VSIG1: variants seen among roughly 807,000 people sequenced by gnomAD.
The protein encoded by VSIG1 is V-set and immunoglobulin domain containing 1.
A neutral mutation model predicts 20.1 loss-of-function variants in VSIG1; 11 were observed. The observed-to-expected ratio is 0.55, with a 90% CI of 0.34 to 0.91. The LOEUF (loss-of-function observed/expected upper bound fraction) is 0.91. Among genes scored for constraint, VSIG1 ranks in the 40% least tolerant of loss-of-function variants. The pLI is 0.02. For missense variants in VSIG1, 283 were observed against 298.8 expected, an observed-to-expected ratio of 0.95 and a Z score of 0.39; for synonymous variants, 126 against 116.7, an observed-to-expected ratio of 1.08 and a Z score of -0.52.
At chrX:108,027,037 G>T in the VSIG1 span, among the ~76,000 whole-genome samples, 1 of 111,730 alleles carries the variant, frequency 9.0e-6, no homozygotes, top group Non-Finnish European at 1.9e-5. Flanking sequence ...TAACAACTGT[G>T]AGAGTATGAA....
intron 2 of VSIG1, 140 bp from the exon 3 acceptor site, chrX:108,066,796 C>A: frequency 1.8e-6 from 1 of 562,397 alleles, no homozygotes; most frequent in Non-Finnish European, 2.8e-6. Flanking sequence ...GTTGAGAAAC[C>A]TTGGCCACAG....
Position 108,073,326 on chromosome X carries a change from C to T in VSIG1, c.645C>T (p.Asn215=), listed in dbSNP as rs762821179. 4.3e-5 allele frequency: 52 copies of T among 1,210,749 alleles called. No individual in the cohort carries two copies. The highest frequency in any genetic ancestry group is 5.7e-5 in the Non-Finnish European group (51 of 894,703). The change falls in exon 5 of 7, where the codon AAC becomes AAT. Residue 215 remains asparagine (N), a synonymous_variant. Transcript: ENST00000217957. ...EQGYYQCTAI[N]RLGNSSCEID... ...GTTATTACCAGTGTACTGCCATCAA[C>T]AGACTTGGCAATAGTTCCTGCGAAA...
rs199805320 is a variant in VSIG1 at position 108,067,122 on chromosome X, G to A, written c.400G>A (p.Val134Ile). ...CGGCCAAAACCAAGGCATCCTCAAC[G>A]TCAGTGTGTTAGGTATGAGCACTTT... ...FLGQNQGILN[V>I]SVLVKPSKPL... is the part of the protein sequence containing the mutation. The change falls in exon 3 of 7, where the codon GTC becomes ATC. Residue 134 changes from valine to isoleucine, a missense_variant. Transcript: ENST00000217957. The A allele has an allele frequency of 3.1e-5, 38 of 1,209,467 alleles. No individual in the cohort carries two copies. The highest frequency in any genetic ancestry group is 2.3e-4 in the Middle Eastern group (1 of 4,349).
intron 2 of VSIG1, among the ~76,000 whole-genome samples, chrX:108,061,071 C>T (rs1271811446): frequency 1.8e-5 from 2 of 112,501 alleles, no homozygotes; most frequent in Non-Finnish European, 3.8e-5. Context: ...GGCCCTTTCT[C>T]TACCTGCTTC....
the VSIG1 span, among the ~76,000 whole-genome samples, chrX:108,023,376 T>G: frequency 5.4e-5 from 6 of 112,134 alleles, no homozygotes; most frequent in African/African-American, 1.9e-4. Context: ...TTGAGGATTT[T>G]GTGTCTATAT....
intron 1 of VSIG1, among the ~76,000 whole-genome samples, chrX:108,053,439 T>C (rs754592578): frequency 9.0e-6 from 1 of 111,286 alleles, no homozygotes; most frequent in Admixed American, 9.6e-5. Flanking sequence ...CACATGAATG[T>C]TGAATACCCA....
At chrX:108,046,446 G>A (rs753856921) in intron 1 of VSIG1, among the ~76,000 whole-genome samples, 3 of 110,934 alleles carry the variant, frequency 2.7e-5, no homozygotes, top group Admixed American at 1.9e-4. Flanking sequence ...CAGTTGGGTC[G>A]ACCCCTGGGC....
rs1245259974 is a variant in VSIG1, at chrX:108,046,554, GTT to G, written c.49+1388_49+1389del. On this transcript the variant is annotated intron_variant, in intron 1 of 6. Transcript: ENST00000217957. Reference sequence around the variant, plus strand: ...GGGTTTGGAACGGTTGTTAAGAACAGTTTTTTTTTTTTTTAACTGTACCTAAC... The same window carrying G: ...GGGTTTGGAACGGTTGTTAAGAACAGTTTTTTTTTTTTAACTGTACCTAAC... 8.4e-4 allele frequency among the ~76,000 whole-genome samples: 84 copies of G among 100,350 alleles called. 3 individuals carry two copies. In the East Asian group the frequency reaches 0.024, roughly 28 times the overall value. The allele number at this position is 100,350 out of a possible 115,157, so 87.1% of individuals were successfully genotyped here.
At chrX:108,051,264 C>A (rs989759115) in intron 1 of VSIG1, among the ~76,000 whole-genome samples, 1 of 111,197 alleles carries the variant, frequency 9.0e-6, no homozygotes, top group Non-Finnish European at 1.9e-5. Flanking sequence ...TGACTGTCCT[C>A]TCCTACCCAT....
At chrX:108,072,615 T>C (rs1461136497) in intron 3 of VSIG1, 62 bp from the exon 4 acceptor site, 1 of 1,043,226 alleles carries the variant, frequency 9.6e-7, no homozygotes, top group Admixed American at 2.4e-5. Flanking sequence ...AGGAAGTGAC[T>C]GCAATTGTCA....
At chrX:108,047,917 T>C (rs371385863) in intron 1 of VSIG1, among the ~76,000 whole-genome samples, 2 of 53,834 alleles carry the variant, frequency 3.7e-5, no homozygotes, top group African/African-American at 2.1e-4. Flanking sequence ...CATATATATA[T>C]ACACATATAT....
At chrX:108,071,762 T>C (rs1234136882) in intron 3 of VSIG1, among the ~76,000 whole-genome samples, 1 of 110,115 alleles carries the variant, frequency 9.1e-6, no homozygotes, top group African/African-American at 3.3e-5. Flanking sequence ...GGGTGCTTGC[T>C]GAGTGAAGGA....
rs759483738 is a variant in VSIG1, at chrX:108,066,974, G to A, written c.252G>A (p.Gly84=). The change falls in exon 3 of 7, where the codon GGG becomes GGA. Residue 84 remains glycine (G), a synonymous_variant. Coordinates refer to ENST00000217957, the MANE Select transcript of VSIG1 (RefSeq NM_182607.5). Reference sequence around the variant, plus strand: ...AAGGTGGACAAGCTGTAGCCATCGGGCAATTTAAAGATCGAATTACAGGGT... The same window carrying A: ...AAGGTGGACAAGCTGTAGCCATCGGACAATTTAAAGATCGAATTACAGGGT... ...FSQGGQAVAI[G]QFKDRITGSN... 3.3e-6 allele frequency: 4 copies of A among 1,211,144 alleles called. No individual in the cohort carries two copies. The highest frequency in any genetic ancestry group is 4.5e-6 in the Non-Finnish European group (4 of 895,212).
intron 2 of VSIG1, among the ~76,000 whole-genome samples, chrX:108,059,745 T>C (rs1481175035): frequency 8.9e-6 from 1 of 112,385 alleles, no homozygotes; most frequent in Non-Finnish European, 1.9e-5. Context: ...CACATGACCT[T>C]TCTTCCTTTT....
Position 108,061,675 on chromosome X carries a change from G to C in VSIG1, c.213+3474G>C, listed in dbSNP as rs189601757. 3 of 496,951 alleles carry C rather than the reference G, an allele frequency of 6.0e-6. No homozygotes were observed. The Admixed American group carries it at 9.6e-5, about 16-fold the overall frequency. The allele number at this position is 496,951 out of a possible 1,213,427, so 41.0% of individuals were successfully genotyped here. A position where few individuals can be genotyped will look rare whatever the true frequency, so the allele number is the denominator to read the frequency against. On this transcript the variant is annotated intron_variant, in intron 2 of 6. Coordinates refer to ENST00000217957, the MANE Select transcript of VSIG1 (RefSeq NM_182607.5). ...CAGCACAAGCCCCTGACAAAACTGG[G>C]ACAGTCTTGAGTTTACCTTCTCACA...
At chrX:108,043,949 G>A (rs2030519462), upstream of VSIG1, among the ~76,000 whole-genome samples, 1 of 111,963 alleles carries the variant, frequency 8.9e-6, no homozygotes, top group Admixed American at 9.5e-5. Flanking sequence ...TTGGAAGAAT[G>A]GGAATCCATA....
At chrX:108,043,142 T>C (rs1334409173), upstream of VSIG1, among the ~76,000 whole-genome samples, 1 of 110,879 alleles carries the variant, frequency 9.0e-6, no homozygotes, top group Non-Finnish European at 1.9e-5. Flanking sequence ...TGGGGGAAAA[T>C]GTTGATTTGT....
Position 108,076,104 on chromosome X carries a change from C to G in VSIG1, c.716C>G (p.Ala239Gly), listed in dbSNP as rs1182613629. ...CCAGAAGTTGGAATCATTGTTGGGG[C>G]CTTGATTGGTAGCCTGGTAGGTGCC... ...SHPEVGIIVG[A>G]LIGSLVGAAI... Residue 239 changes from alanine to glycine, a missense_variant, in exon 6 of 7, where the codon GCC becomes GGC. Physicochemically the swap from Ala to Gly is moderately conservative, Grantham distance 60. Coordinates refer to ENST00000217957, the MANE Select transcript of VSIG1 (RefSeq NM_182607.5). 24 of 1,209,606 alleles carry G rather than the reference C, an allele frequency of 2.0e-5. No individual in the cohort carries two copies. Among genetic ancestry groups the G allele is most frequent in the Non-Finnish European group, 2.5e-5 (22 of 894,961 alleles).
the VSIG1 span, among the ~76,000 whole-genome samples, chrX:108,036,438 T>C: frequency 2.7e-5 from 3 of 110,933 alleles, no homozygotes; most frequent in Non-Finnish European, 3.8e-5. Flanking sequence ...TCAACACAAA[T>C]TGCTTAGGAG....
Sources: gnomAD v4.1 joint callset for allele counts (sites outside exome capture counted in the v4.1 genomes callset) on GRCh38, gnomAD v4.1.1 for gene constraint, MANE v1.5 for transcripts, NCBI Gene and HGNC (gene_info 2026-07-23, HGNC 2026-07-21) for gene names.